The following PXDNL variants were observed in gnomAD, a reference collection of about 807,000 sequenced individuals.
PXDNL encodes the protein peroxidasin like.
In PXDNL, 145 loss-of-function variants were observed where a neutral mutation model predicts 150.8. That is an observed-to-expected ratio of 0.96 (90% CI 0.84 to 1.10). The LOEUF (loss-of-function observed/expected upper bound fraction) is 1.10. Ranked by LOEUF, PXDNL falls within the 50% of genes least tolerant of loss-of-function variation. PXDNL has a pLI of 0.00. For missense variants in PXDNL, 2,087 were observed against 1,873.9 expected (o/e 1.11, Z -2.10); for synonymous variants, 757 against 725.7 (o/e 1.04, Z -0.69).
intron 4 of PXDNL, among the ~76,000 whole-genome samples, chr8:51,505,035 T>C (rs1361648083): frequency 1.3e-5 from 2 of 152,238 alleles, no homozygotes; most frequent in African/African-American, 4.8e-5. Context: ...TGTAGAATCC[T>C]TGAGCACTAA....
intron 12 of PXDNL, among the ~76,000 whole-genome samples, chr8:51,440,040 C>CATAT (rs149260600): frequency 1.3e-5 from 2 of 150,390 alleles, no homozygotes; most frequent in African/African-American, 4.9e-5. Flanking sequence ...GACAGATATA[C>CATAT]ATATATATAT....
At chr8:51,676,262 G>A (rs1024125134) in intron 1 of PXDNL, among the ~76,000 whole-genome samples, 1 of 151,690 alleles carries the variant, frequency 6.6e-6, no homozygotes, top group African/African-American at 2.4e-5. Flanking sequence ...TTTTCTCTGT[G>A]GTTCTCCCAG....
chr8:51,359,314 T>A (rs1806635954), intron 19 of PXDNL, among the ~76,000 whole-genome samples: 1 of 152,132 alleles, frequency 6.6e-6, no homozygotes, highest in South Asian at 2.1e-4. Flanking sequence ...GCATTTCCAA[T>A]GCTGCAGAAA....
chr8:51,598,005 C>T (rs1372463654), intron 2 of PXDNL, among the ~76,000 whole-genome samples: 7 of 152,052 alleles, frequency 4.6e-5, no homozygotes, highest in Non-Finnish European at 8.8e-5. Context: ...TGAGCCACTG[C>T]GTCTGGCCTA....
intron 2 of PXDNL, among the ~76,000 whole-genome samples, chr8:51,609,709 G>C (rs1813954807): frequency 6.6e-6 from 1 of 152,212 alleles, no homozygotes; most frequent in Non-Finnish European, 1.5e-5. Context: ...GAGTTAAAGG[G>C]AAAATAGCAG....
intron 4 of PXDNL, among the ~76,000 whole-genome samples, chr8:51,547,780 A>G (rs1209122668): frequency 6.6e-6 from 1 of 152,162 alleles, no homozygotes; most frequent in Non-Finnish European, 1.5e-5. Context: ...ATGACAAAAC[A>G]CCGTTCTACA....
At chr8:51,637,914 T>C (rs147080048) in intron 2 of PXDNL, among the ~76,000 whole-genome samples, 1,799 of 152,030 alleles carry the variant, frequency 0.012, 45 homozygotes, top group African/African-American at 0.041. Flanking sequence ...TTCACCAAAG[T>C]TGAAATGAAG....
intron 4 of PXDNL, among the ~76,000 whole-genome samples, chr8:51,553,771 T>TATATATACACAC (rs1236843720): frequency 1.9e-4 from 12 of 63,830 alleles, no homozygotes; most frequent in African/African-American, 1.1e-3. Context: ...TATATATATA[T>TATATATACACAC]ACACACACTG....
At chr8:51,474,915 A>G in intron 7 of PXDNL, 57 bp downstream of exon 7, 7 of 1,398,034 alleles carry the variant, frequency 5.0e-6, no homozygotes, top group Non-Finnish European at 6.8e-6. Flanking sequence ...AAACCTTTAC[A>G]AAAAGAGAGC....
chr8:51,659,857 GTATTTATTTATTTATTTATT>G lies in PXDNL; in HGVS notation c.165-5117_165-5098del, dbSNP rs35068146. Among the ~76,000 whole-genome samples the G allele has an allele frequency of 1.3e-3, 189 of 146,036 alleles. 3 individuals are homozygous for G. Among genetic ancestry groups the G allele is most frequent in the African/African-American group, 3.7e-3 (145 of 39,184 alleles). ...ATGACTGTCCAATTCACAAATTGCA[GTATTTATTTATTTATTTATT>G]TATTTATTTATTTATTTATTTATTT... On this transcript the variant is annotated intron_variant, in intron 1 of 22. Transcript: ENST00000356297.
chr8:51,779,168 G>A (rs922477773), intron 1 of PXDNL, among the ~76,000 whole-genome samples: 3 of 152,204 alleles, frequency 2.0e-5, no homozygotes, highest in African/African-American at 7.2e-5. Context: ...AACATTTTAT[G>A]TTTATAGGTT....
chr8:51,408,556 C>T lies in PXDNL; in HGVS notation c.3068G>A (p.Gly1023Glu), dbSNP rs1000906534. 4 of 1,613,094 alleles carry T rather than the reference C, an allele frequency of 2.5e-6. No individual in the cohort carries two copies. The highest frequency in any genetic ancestry group is 1.3e-5 in the African/African-American group (1 of 75,054). ...TYSHWLPKVL[G>E]DPGTRMLRGY... is the part of the protein sequence containing the mutation. Reference sequence around the variant, plus strand: ...CCTCAGCATCCTAGTGCCAGGGTCCCCCAGGACCTTAGGCAGCCAGTGGCT... The same window carrying T: ...CCTCAGCATCCTAGTGCCAGGGTCCTCCAGGACCTTAGGCAGCCAGTGGCT... Residue 1023 changes from glycine (G) to glutamate (E), a missense_variant, in exon 17 of 23, where the codon GGG (glycine) becomes GAG (glutamate). By Grantham distance (98) the Gly-to-Glu change is moderately conservative. Coordinates refer to ENST00000356297, the MANE Select transcript of PXDNL (RefSeq NM_144651.5).
chr8:51,343,478 G>C (rs1806048958), intron 20 of PXDNL, among the ~76,000 whole-genome samples: 1 of 152,204 alleles, frequency 6.6e-6, no homozygotes, highest in Non-Finnish European at 1.5e-5. Context: ...GTAAAAGTTT[G>C]ATAAGATTGG....
chr8:51,551,222 A>G (rs183396816), intron 4 of PXDNL, among the ~76,000 whole-genome samples: 2 of 152,334 alleles, frequency 1.3e-5, no homozygotes, highest in Admixed American at 1.3e-4. Flanking sequence ...ACAGATGGGT[A>G]GAATCAGTAT....
chr8:51,337,945 G>A (rs1236024668), intron 21 of PXDNL, among the ~76,000 whole-genome samples: 1 of 145,752 alleles, frequency 6.9e-6, no homozygotes, highest in Non-Finnish European at 1.5e-5. Context: ...TTGGGAGGTC[G>A]AAGCGGGCAG....
At chr8:51,563,058 T>C (rs1487475256) in intron 3 of PXDNL, among the ~76,000 whole-genome samples, 2 of 151,840 alleles carry the variant, frequency 1.3e-5, no homozygotes, top group Admixed American at 6.6e-5. Flanking sequence ...TAGACTTGTG[T>C]TTCACCTCAC....
At chr8:51,772,924 T>A (rs1028078150) in intron 1 of PXDNL, among the ~76,000 whole-genome samples, 1 of 152,326 alleles carries the variant, frequency 6.6e-6, no homozygotes, top group East Asian at 1.9e-4. Flanking sequence ...AGGCATTCAC[T>A]GCACACTAAT....
intron 1 of PXDNL, among the ~76,000 whole-genome samples, chr8:51,806,143 C>A (rs1034707023): frequency 1.3e-5 from 2 of 151,942 alleles, no homozygotes; most frequent in East Asian, 3.9e-4. Flanking sequence ...AACTTAAAAC[C>A]CTGATCAACT....
At chr8:51,601,273 T>A (rs1306943966) in intron 2 of PXDNL, among the ~76,000 whole-genome samples, 1 of 151,784 alleles carries the variant, frequency 6.6e-6, no homozygotes, top group Non-Finnish European at 1.5e-5. Flanking sequence ...ATAGTTTTGT[T>A]TTGTTAATTT....
Sources: allele counts gnomAD v4.1 joint callset (sites outside exome capture counted in the v4.1 genomes callset), GRCh38; gene constraint gnomAD v4.1.1; transcripts MANE v1.5; gene names NCBI Gene and HGNC (gene_info 2026-07-23, HGNC 2026-07-21).